The following SCAMP4 variants were observed in gnomAD, a reference collection of about 807,000 sequenced individuals.
The protein encoded by SCAMP4 is secretory carrier membrane protein 4, also known as secretory carrier-associated membrane protein 4.
In SCAMP4, 19 loss-of-function variants were observed where a neutral mutation model predicts 32.1. That is an observed-to-expected ratio of 0.59 (90% CI 0.41 to 0.87). The LOEUF (loss-of-function observed/expected upper bound fraction) is 0.87, where lower values mean the gene tolerates loss of function less well. SCAMP4 is among the 40% of genes least tolerant of loss of function. SCAMP4 has a pLI of 0.00. For missense variants in SCAMP4, 302 were observed against 309.0 expected, an observed-to-expected ratio of 0.98 and a Z score of 0.17; for synonymous variants, 152 against 132.7, an observed-to-expected ratio of 1.15 and a Z score of -1.00.
At chr19:1,913,214 C>G (rs567099450) in intron 1 of SCAMP4, 5 of 1,457,330 alleles carry the variant, frequency 3.4e-6, no homozygotes, top group Non-Finnish European at 3.6e-6. Context: ...TCCTGGACTT[C>G]CGGGCCTCGA....
At chr19:1,913,032 C>A (rs2013576506) in intron 1 of SCAMP4, 2 of 1,604,092 alleles carry the variant, frequency 1.2e-6, no homozygotes, top group Non-Finnish European at 8.5e-7. Context: ...TGCGCCCTCG[C>A]CCGACGGCGC....
At chr19:1,915,749 A>G (rs1480511008) in intron 2 of SCAMP4, among the ~76,000 whole-genome samples, 7 of 151,886 alleles carry the variant, frequency 4.6e-5, no homozygotes, top group African/African-American at 1.5e-4. Flanking sequence ...GATCGAGACC[A>G]TCCTGGCTAA....
At chr19:1,909,719 G>A (rs1003892055) in intron 1 of SCAMP4, among the ~76,000 whole-genome samples, 2 of 152,196 alleles carry the variant, frequency 1.3e-5, no homozygotes, top group Non-Finnish European at 2.9e-5. Context: ...AGCCCCGGGA[G>A]TGATCCCAGC....
rs202206209 is a variant in SCAMP4 at position 1,913,035 on chromosome 19, G to A, written c.-41-1944G>A. On this transcript the variant is annotated intron_variant, in intron 1 of 6. Transcript: ENST00000316097. The stretch of plus-strand genomic sequence containing the variant: ...CGTCTTCTACGGTGCGCCCTCGCCC[G>A]ACGGCGCCCTGGGCACCCGCTTCCG... The A allele has an allele frequency of 1.3e-4, 210 of 1,604,210 alleles. No homozygotes were observed. The East Asian group carries it at 4.3e-3, about 33-fold the overall frequency.
Position 1,921,832 on chromosome 19 carries a change from G to A in SCAMP4, c.396-1238G>A, listed in dbSNP as rs935196736. On this transcript the variant is annotated intron_variant, in intron 5 of 6. Transcript: ENST00000316097. ...CCATCTCTCCAGAAAAAAAAAAAGAGGAAGGAATGACCCAAAGACCATGCA... is the reference window on the plus strand; with the variant it reads ...CCATCTCTCCAGAAAAAAAAAAAGAAGAAGGAATGACCCAAAGACCATGCA... 6.1e-6 allele frequency: 6 copies of A among 985,142 alleles called. No individual in the cohort carries two copies. In the African/African-American group the frequency reaches 1.0e-4, roughly 17 times the overall value. 61.0% of individuals were successfully genotyped at this position (985,142 alleles called of 1,614,324 possible).
intron 1 of SCAMP4, chr19:1,912,704 C>A: frequency 6.7e-7 from 1 of 1,502,072 alleles, no homozygotes. Context: ...TGGACCCGGC[C>A]TCGGACCGCG....
At chr19:1,907,765 G>A (rs1451635558) in intron 1 of SCAMP4, among the ~76,000 whole-genome samples, 2 of 152,130 alleles carry the variant, frequency 1.3e-5, no homozygotes, top group Non-Finnish European at 2.9e-5. Context: ...GTGGTCGGTC[G>A]CCTGCCTTCT....
intron 1 of SCAMP4, chr19:1,912,908 C>T (rs372168072): frequency 7.5e-6 from 12 of 1,609,034 alleles, no homozygotes; most frequent in South Asian, 1.1e-5. Flanking sequence ...TGGACGCAGA[C>T]GAGGACGGCC....
Position 1,908,827 on chromosome 19 carries a change from G to C in SCAMP4, c.-42+3388G>C, listed in dbSNP as rs1050799918. Among the ~76,000 whole-genome samples the C allele has an allele frequency of 6.6e-6, 1 of 152,240 alleles. No homozygotes were observed. The highest frequency in any genetic ancestry group is 1.9e-4 in the East Asian group (1 of 5,174). On this transcript the variant is annotated intron_variant, in intron 1 of 6. Coordinates refer to ENST00000316097, the MANE Select transcript of SCAMP4 (RefSeq NM_079834.4). This position sits in a 1 kb window ranked among gnomAD's most constrained non-coding sequence, Gnocchi z 4.2. ...TTATACTTTTAAGCAATGTGGGCTG[G>C]GCACGGTGGCTCACACCTGTAATCC...
intron 1 of SCAMP4, among the ~76,000 whole-genome samples, chr19:1,914,274 C>T (rs1169205406): frequency 1.3e-5 from 2 of 152,158 alleles, no homozygotes; most frequent in Non-Finnish European, 2.9e-5. Context: ...CCCACGGTGA[C>T]ATGTTCCTGA....
At position 1,925,765 on chromosome 19, in the gene SCAMP4, C is replaced by T. The variant is rs1402000601; in HGVS notation, c.*1481C>T. 3.3e-5 allele frequency: 5 copies of T among 152,576 alleles called. No homozygotes were observed. The highest frequency in any genetic ancestry group is 2.1e-4 in the South Asian group (1 of 4,826). 9.5% of individuals were successfully genotyped at this position (152,576 alleles called of 1,614,324 possible). On this transcript the variant is annotated 3_prime_UTR_variant, in exon 7 of 7. Coordinates refer to ENST00000316097, the MANE Select transcript of SCAMP4 (RefSeq NM_079834.4). ...GAGGCGGCCATGGTGTCTCGATGGA[C>T]GGCAGCCAGGATGGAGCACCCATGG...
intron 1 of SCAMP4, chr19:1,912,803 G>C: frequency 1.3e-6 from 2 of 1,578,188 alleles, no homozygotes; most frequent in Non-Finnish European, 1.7e-6. Flanking sequence ...CGCGCGGCCA[G>C]GGCCGCGGCA....
At chr19:1,913,138 A>G in intron 1 of SCAMP4, 1 of 1,560,708 alleles carries the variant, frequency 6.4e-7, no homozygotes, top group Non-Finnish European at 8.6e-7. Flanking sequence ...CGCTGGCTGG[A>G]CCCCGACACG....
intron 1 of SCAMP4, chr19:1,906,824 C>G (rs553432183): frequency 6.7e-6 from 1 of 148,676 alleles, no homozygotes; most frequent in Admixed American, 6.8e-5. Context: ...GCACTCCAGC[C>G]TGGGCGACAG....
chr19:1,920,573 G>A, intron 5 of SCAMP4: 1 of 984,168 alleles, frequency 1.0e-6, no homozygotes, highest in Non-Finnish European at 1.2e-6. Flanking sequence ...CCAGGGATCT[G>A]AGTTAGAGTC....
intron 1 of SCAMP4, among the ~76,000 whole-genome samples, chr19:1,907,365 C>G (rs1850735396): frequency 6.8e-6 from 1 of 146,640 alleles, no homozygotes; most frequent in South Asian, 2.1e-4. Flanking sequence ...CCCCCATTTT[C>G]TCTTATGTAC....
Position 1,918,700 on chromosome 19 carries a change from T to G in SCAMP4, c.294-189T>G, listed in dbSNP as rs572472308. 907 of 849,268 alleles carry G rather than the reference T, an allele frequency of 1.1e-3. 2 individuals are homozygous for G. The highest frequency in any genetic ancestry group is 1.4e-3 in the Non-Finnish European group (816 of 579,474). The allele number at this position is 849,268 out of a possible 1,614,324, so 52.6% of individuals were successfully genotyped here. On this transcript the variant is annotated intron_variant, in intron 4 of 6. Coordinates refer to ENST00000316097, the MANE Select transcript of SCAMP4 (RefSeq NM_079834.4). ...TCGCTTGAACCCGGGAGGCAGAGGTTGCAGTGAGCCGAGATCTCGACACTG... is the reference window on the plus strand; with the variant it reads ...TCGCTTGAACCCGGGAGGCAGAGGTGGCAGTGAGCCGAGATCTCGACACTG...
Position 1,923,884 on chromosome 19 carries a change from CG to C in SCAMP4, c.514-223del, listed in dbSNP as rs1568777092. 8.5e-4 allele frequency among the ~76,000 whole-genome samples: 98 copies of C among 115,418 alleles called. 2 individuals are homozygous for C. Among genetic ancestry groups the C allele is most frequent in the Non-Finnish European group, 1.9e-3 (86 of 45,870 alleles). 75.7% of individuals were successfully genotyped at this position (115,418 alleles called of 152,430 possible). On this transcript the variant is annotated intron_variant, in intron 6 of 6. Coordinates refer to ENST00000316097, the MANE Select transcript of SCAMP4 (RefSeq NM_079834.4). ...TCGTGATCCTCCCGCCTCGGCCTCC[CG>C]AAGTGCTGGGATGACAGGCGTGAGC...
chr19:1,923,282 C>A (rs2013979056), intron 6 of SCAMP4, 95 bp downstream of exon 6: 6 of 1,083,804 alleles, frequency 5.5e-6, no homozygotes, highest in Non-Finnish European at 7.9e-6. Flanking sequence ...AGGAGCCGGG[C>A]CCTCTCCCCA....
Sources: gnomAD v4.1 joint callset for allele counts (sites outside exome capture counted in the v4.1 genomes callset) on GRCh38, gnomAD v4.1.1 for gene constraint, Gnocchi (gnomAD v3.1) non-coding constraint, MANE v1.5 for transcripts, NCBI Gene and HGNC (gene_info 2026-07-23, HGNC 2026-07-21) for gene names.